Variants in DPP6 observed in about 807,000 individuals in gnomAD.
The protein encoded by DPP6 is dipeptidyl peptidase like 6, also known as A-type potassium channel modulatory protein DPP6.
In DPP6, 69 loss-of-function variants were observed where a neutral mutation model predicts 122.6. The ratio of observed to expected loss-of-function variants is 0.56; its 90% CI spans 0.46 to 0.69. DPP6 has a LOEUF of 0.69. Ranked by LOEUF, DPP6 falls within the 30% of genes least tolerant of loss-of-function variation. The pLI, the probability that DPP6 is intolerant of heterozygous loss-of-function variation, is 0.00. For missense variants in DPP6, 928 were observed against 1,116.9 expected (o/e 0.83, Z 2.41); for synonymous variants, 418 against 433.1 (o/e 0.97, Z 0.43).
chr7:153,795,180 G>T, the DPP6 span, among the ~76,000 whole-genome samples: 1 of 152,362 alleles, frequency 6.6e-6, no homozygotes, highest in African/African-American at 2.4e-5. Flanking sequence ...ACTTTGGCAG[G>T]CCGAGGTGGG....
intron 2 of DPP6, among the ~76,000 whole-genome samples, chr7:154,450,957 C>G (rs1211975004): frequency 6.6e-6 from 1 of 152,052 alleles, no homozygotes; most frequent in Non-Finnish European, 1.5e-5. Flanking sequence ...TCTGGCACTC[C>G]CTTTGGGACT....
chr7:154,707,074 A>G (rs1191491542), intron 7 of DPP6, among the ~76,000 whole-genome samples: 1 of 152,238 alleles, frequency 6.6e-6, no homozygotes, highest in Non-Finnish European at 1.5e-5. Flanking sequence ...TGGAGTGGAA[A>G]ATGATGTAAT....
At chr7:154,682,070 G>T (rs1839314805) in intron 7 of DPP6, among the ~76,000 whole-genome samples, 1 of 152,182 alleles carries the variant, frequency 6.6e-6, no homozygotes, top group Non-Finnish European at 1.5e-5. Context: ...TAGACATAAG[G>T]TCCAACATTC....
intron 1 of DPP6, among the ~76,000 whole-genome samples, chr7:154,380,195 A>C (rs1813470762): frequency 6.6e-6 from 1 of 152,198 alleles, no homozygotes; most frequent in Non-Finnish European, 1.5e-5. Flanking sequence ...GGGGCTGAAC[A>C]CCTGTGTTGA....
intron 1 of DPP6, among the ~76,000 whole-genome samples, chr7:154,109,195 T>C (rs1806381756): frequency 2.0e-5 from 3 of 152,418 alleles, no homozygotes; most frequent in African/African-American, 4.8e-5. Flanking sequence ...AAAATAGATA[T>C]GGAGTAAATA....
chr7:154,731,540 C>T (rs545638202), intron 8 of DPP6, among the ~76,000 whole-genome samples: 9 of 152,166 alleles, frequency 5.9e-5, no homozygotes, highest in Non-Finnish European at 1.0e-4. Flanking sequence ...GTGAGCTCAA[C>T]ACTGGCTGTG....
At chr7:153,857,321 T>TC in the DPP6 span, among the ~76,000 whole-genome samples, 665 of 132,666 alleles carry the variant, frequency 5.0e-3, 6 homozygotes, top group East Asian at 0.032. Flanking sequence ...ACTCAAAGGT[T>TC]TTCTCTCTCT....
chr7:154,453,122 A>G (rs937829060), intron 2 of DPP6, among the ~76,000 whole-genome samples: 3 of 152,172 alleles, frequency 2.0e-5, no homozygotes, highest in South Asian at 2.1e-4. Context: ...CGGTGCCACA[A>G]TCGCTGACGT....
chr7:153,910,310 A>C (rs1334061248), intron 1 of DPP6, among the ~76,000 whole-genome samples: 1 of 150,068 alleles, frequency 6.7e-6, no homozygotes, highest in Non-Finnish European at 1.5e-5. Context: ...GCTCACTGCA[A>C]CCTCTGCCTC....
intron 8 of DPP6, among the ~76,000 whole-genome samples, chr7:154,745,564 G>T (rs1842999583): frequency 6.6e-6 from 1 of 152,148 alleles, no homozygotes; most frequent in Admixed American, 6.5e-5. Context: ...CCTGAAACTG[G>T]GCAATTTATA....
upstream of DPP6, among the ~76,000 whole-genome samples, chr7:153,886,555 C>T (rs894327303): frequency 1.6e-4 from 24 of 152,138 alleles, no homozygotes; most frequent in African/African-American, 5.8e-4. Context: ...GGCGGAGGCC[C>T]GGAGGGAAGT....
intron 2 of DPP6, among the ~76,000 whole-genome samples, chr7:154,466,517 C>T (rs927623314): frequency 9.9e-5 from 15 of 152,198 alleles, no homozygotes; most frequent in Non-Finnish European, 2.2e-4. Context: ...TGTGAGTGCA[C>T]ATATGTGTGC....
At chr7:154,125,678 G>T (rs1437717325) in intron 1 of DPP6, among the ~76,000 whole-genome samples, 1 of 152,230 alleles carries the variant, frequency 6.6e-6, no homozygotes. Flanking sequence ...CACATTAGGT[G>T]TGATGGCTCC....
At chr7:154,273,498 G>A (rs1803931371) in intron 1 of DPP6, among the ~76,000 whole-genome samples, 1 of 152,174 alleles carries the variant, frequency 6.6e-6, no homozygotes, top group Admixed American at 6.5e-5. Context: ...ATATATTGCG[G>A]TGATACACTT....
At chr7:154,318,964 CCTACCCT>C (rs1257805220) in intron 1 of DPP6, among the ~76,000 whole-genome samples, 1 of 152,200 alleles carries the variant, frequency 6.6e-6, no homozygotes, top group Non-Finnish European at 1.5e-5. Flanking sequence ...CTTCATCCAG[CCTACCCT>C]CCTCTGCGGT....
In DPP6 at chr7:154,284,885, T is replaced by C. The variant is rs979428339; in HGVS notation, c.244-161329T>C. Reference sequence around the variant, plus strand: ...AAAACAAAACAAAACAAAAACATTATGCCAAATGACATAAACTGAACAAAA... The same window carrying C: ...AAAACAAAACAAAACAAAAACATTACGCCAAATGACATAAACTGAACAAAA... On this transcript the variant is annotated intron_variant, in intron 1 of 25. Coordinates refer to ENST00000377770, the MANE Select transcript of DPP6 (RefSeq NM_130797.4). Among the ~76,000 whole-genome samples the C allele has an allele frequency of 2.0e-5, 3 of 152,138 alleles. 1 individual carries two copies. Among genetic ancestry groups the C allele is most frequent in the South Asian group, 4.1e-4 (2 of 4,820 alleles).
intron 1 of DPP6, among the ~76,000 whole-genome samples, chr7:154,061,740 C>G (rs1354066443): frequency 7.5e-3 from 745 of 99,880 alleles, no homozygotes; most frequent in Admixed American, 0.011. Flanking sequence ...GCGAACCTCC[C>G]CCTTTCCTCC....
chr7:154,733,391 T>A (rs1842429924), intron 8 of DPP6, among the ~76,000 whole-genome samples: 1 of 152,220 alleles, frequency 6.6e-6, no homozygotes, highest in African/African-American at 2.4e-5. Context: ...TTACCCTCCA[T>A]CTGTGTGTCC....
chr7:154,064,724 C>T (rs1303778309), intron 1 of DPP6, among the ~76,000 whole-genome samples: 1 of 152,150 alleles, frequency 6.6e-6, no homozygotes, highest in East Asian at 1.9e-4. Flanking sequence ...TGAAGTTTTA[C>T]AGTTCCTAAC....
Sources: gnomAD v4.1 joint callset for allele counts (sites outside exome capture counted in the v4.1 genomes callset) on GRCh38, gnomAD v4.1.1 for gene constraint, MANE v1.5 for transcripts, NCBI Gene and HGNC (gene_info 2026-07-23, HGNC 2026-07-21) for gene names.